Variants in RNF125 observed in about 807,000 individuals in gnomAD.
RNF125 encodes the protein ring finger protein 125.
In RNF125, 21 loss-of-function variants were observed where a neutral mutation model predicts 26.0. That is an observed-to-expected ratio of 0.81 (90% CI 0.57 to 1.16). The LOEUF (loss-of-function observed/expected upper bound fraction) is 1.16, where lower values mean the gene tolerates loss of function less well. RNF125 is among the 50% of genes most tolerant of loss of function. The pLI, the probability that RNF125 is intolerant of heterozygous loss-of-function variation, is 0.00. For missense variants in RNF125, 270 were observed against 299.4 expected, an observed-to-expected ratio of 0.90 and a Z score of 0.72; for synonymous variants, 95 against 109.2, an observed-to-expected ratio of 0.87 and a Z score of 0.81.
At chr18:32,044,712 T>A (rs186964054) in intron 3 of RNF125, among the ~76,000 whole-genome samples, 1 of 152,320 alleles carries the variant, frequency 6.6e-6, no homozygotes, top group Admixed American at 6.5e-5. Flanking sequence ...TACCTTTTCC[T>A]TCCTCCCTTT....
At chr18:32,046,661 T>C (rs1288651464) in intron 4 of RNF125, among the ~76,000 whole-genome samples, 2 of 151,810 alleles carry the variant, frequency 1.3e-5, no homozygotes, top group African/African-American at 4.8e-5. Flanking sequence ...CAAAAAGTAG[T>C]CATTCATCTT....
At chr18:32,065,721 C>T (rs542262791) in intron 4 of RNF125, among the ~76,000 whole-genome samples, 181 bp from the exon 5 acceptor site, 17 of 152,016 alleles carry the variant, frequency 1.1e-4, no homozygotes, top group Non-Finnish European at 1.9e-4. Flanking sequence ...TTAGTAGAGA[C>T]GGCGTTTCAC....
At chr18:32,056,303 C>A (rs1412315633) in intron 4 of RNF125, among the ~76,000 whole-genome samples, 3 of 151,886 alleles carry the variant, frequency 2.0e-5, no homozygotes, top group African/African-American at 7.3e-5. Context: ...GAGAAAATGA[C>A]TCACATGAAT....
rs201378700 is a variant in RNF125, at chr18:32,065,929, G to T, written c.532G>T (p.Asp178Tyr). The T allele has an allele frequency of 1.2e-6, 2 of 1,613,486 alleles. No individual in the cohort carries two copies. The highest frequency in any genetic ancestry group is 2.2e-5 in the South Asian group (2 of 91,054). Residue 178 changes from aspartate (D) to tyrosine (Y), a missense_variant, in exon 5 of 6, where the codon GAT (aspartate) becomes TAT (tyrosine). Transcript: ENST00000217740. ...CTGTCCACTTTGCCGTTTAATACCC[G>T]ATGAGAATCCAAGCAGCTTCAGTGG... ...VFCPLCRLIP[D>Y]ENPSSFSGSL...
intron 4 of RNF125, among the ~76,000 whole-genome samples, chr18:32,056,444 C>G (rs943522419): frequency 2.6e-5 from 4 of 151,904 alleles, no homozygotes; most frequent in African/African-American, 9.7e-5. Flanking sequence ...AAACCACCCC[C>G]CATGTCTACT....
At chr18:32,022,806 C>T (rs1038171854) in intron 1 of RNF125, among the ~76,000 whole-genome samples, 6 of 152,094 alleles carry the variant, frequency 3.9e-5, no homozygotes, top group Non-Finnish European at 2.9e-5. Context: ...GTTTATTTCA[C>T]CAGTGTAGAT....
intron 1 of RNF125, among the ~76,000 whole-genome samples, chr18:32,036,872 T>G (rs1206757578): frequency 6.6e-6 from 1 of 152,170 alleles, no homozygotes; most frequent in Non-Finnish European, 1.5e-5. Flanking sequence ...TCACCCACTT[T>G]GAATTCTTAC....
At chr18:32,047,381 T>C (rs749938563) in intron 4 of RNF125, among the ~76,000 whole-genome samples, 45 of 152,222 alleles carry the variant, frequency 3.0e-4, no homozygotes, top group Non-Finnish European at 5.4e-4. Context: ...TATTCTTGTA[T>C]GCTTAAACTT....
chr18:32,061,117 T>TG (rs1468068259), intron 4 of RNF125, among the ~76,000 whole-genome samples: 3 of 152,130 alleles, frequency 2.0e-5, no homozygotes, highest in African/African-American at 7.2e-5. Context: ...CTCCGCCTCC[T>TG]GGGTTCACGC....
chr18:32,045,561 C>CA (rs113849815), intron 3 of RNF125, 81 bp from the exon 4 acceptor site: 129,443 of 695,364 alleles, frequency 0.19, 2,741 homozygotes, highest in Middle Eastern at 0.23. Flanking sequence ...ACTCTTGTCT[C>CA]AAAAAAAAAA....
At chr18:32,038,605 C>T (rs1221035420) in intron 2 of RNF125, among the ~76,000 whole-genome samples, 4 of 152,176 alleles carry the variant, frequency 2.6e-5, no homozygotes, top group Non-Finnish European at 5.9e-5. Flanking sequence ...CTATCAAGCA[C>T]ACCTTGCCTG....
At chr18:32,076,155 C>G, downstream of RNF125, 1 of 559,112 alleles carries the variant, frequency 1.8e-6, no homozygotes, top group Non-Finnish European at 3.3e-6. Context: ...TTCATTATCA[C>G]AGTTAGAAAC....
chr18:32,075,176 A>G (rs1037918943), downstream of RNF125, among the ~76,000 whole-genome samples: 4 of 152,174 alleles, frequency 2.6e-5, no homozygotes, highest in African/African-American at 9.6e-5. Context: ...CACCACCTCC[A>G]TTTTTACAAT....
At chr18:32,081,193 GAAA>G in the RNF125 span, among the ~76,000 whole-genome samples, 2 of 104,396 alleles carry the variant, frequency 1.9e-5, no homozygotes, top group African/African-American at 3.8e-5. Context: ...GACTACATCT[GAAA>G]AAAAAAAAAA....
At chr18:32,084,440 C>A in the RNF125 span, among the ~76,000 whole-genome samples, 1 of 152,284 alleles carries the variant, frequency 6.6e-6, no homozygotes, top group African/African-American at 2.4e-5. Flanking sequence ...ATCTATTCAT[C>A]ATTACTGGTC....
chr18:32,070,447 A>T lies in RNF125; in HGVS notation c.*2063A>T, dbSNP rs1023117190. 1 of 152,290 alleles carries T rather than the reference A, an allele frequency of 6.6e-6. No individual in the cohort carries two copies. Among genetic ancestry groups the T allele is most frequent in the African/African-American group, 2.4e-5 (1 of 41,460 alleles). 9.4% of individuals were successfully genotyped at this position (152,290 alleles called of 1,614,324 possible). ...CAGCCTTCCAAAGTGCTGGGATTAT[A>T]GGCGTGAGCCACTGTGCCCGGCCTA... On this transcript the variant is annotated 3_prime_UTR_variant, in exon 6 of 6. Coordinates refer to ENST00000217740, the MANE Select transcript of RNF125 (RefSeq NM_017831.4).
At chr18:32,052,968 G>A (rs576171284) in intron 4 of RNF125, among the ~76,000 whole-genome samples, 2 of 152,108 alleles carry the variant, frequency 1.3e-5, no homozygotes, top group Non-Finnish European at 2.9e-5. Flanking sequence ...TAAGAAAAGG[G>A]TACCAGAAAA....
downstream of RNF125, among the ~76,000 whole-genome samples, chr18:32,077,656 G>A (rs976598148): frequency 4.0e-5 from 6 of 150,858 alleles, no homozygotes; most frequent in South Asian, 6.3e-4. Flanking sequence ...CCACCTCGCC[G>A]GGCCGTAAAA....
chr18:32,084,829 A>G, the RNF125 span, among the ~76,000 whole-genome samples: 1 of 152,230 alleles, frequency 6.6e-6, no homozygotes, highest in Non-Finnish European at 1.5e-5. Context: ...ATAATAATAC[A>G]TAAAATATGG....
Sources: gnomAD v4.1 joint callset for allele counts (sites outside exome capture counted in the v4.1 genomes callset) on GRCh38, gnomAD v4.1.1 for gene constraint, MANE v1.5 for transcripts, NCBI Gene and HGNC (gene_info 2026-07-23, HGNC 2026-07-21) for gene names.